The following OR51B6 variants were observed in gnomAD, a reference collection of about 807,000 sequenced individuals.
The protein encoded by OR51B6 is olfactory receptor 51B6.
For missense variants in OR51B6, 502 were observed against 382.2 expected (o/e 1.31, Z -2.61); for synonymous variants, 154 against 137.3 (o/e 1.12, Z -0.85).
At position 5,352,074 on chromosome 11, in the gene OR51B6, C is replaced by T; in HGVS notation, c.567C>T (p.Asp189=). 6.2e-7 allele frequency: 1 copy of T among 1,614,124 alleles called. No individual in the cohort carries two copies. The highest frequency in any genetic ancestry group is 8.5e-7 in the Non-Finnish European group (1 of 1,179,948). ...ATGTCATCAAGCTAGCCTGTGCTGACATCACCTTCAACCGTCTCTATCCAG... is the reference window on the plus strand; with the variant it reads ...ATGTCATCAAGCTAGCCTGTGCTGATATCACCTTCAACCGTCTCTATCCAG... ...HQDVIKLACA[D]ITFNRLYPVV... Residue 189 remains aspartate, a synonymous_variant, in exon 1 of 1, where the codon GAC becomes GAT. Transcript: ENST00000380219.
Position 5,351,568 on chromosome 11 carries a change from G to C in OR51B6, c.61G>C (p.Ala21Pro). 1 of 1,614,054 alleles carries C rather than the reference G, an allele frequency of 6.2e-7. No individual in the cohort carries two copies. Among genetic ancestry groups the C allele is most frequent in the Non-Finnish European group, 8.5e-7 (1 of 1,179,996 alleles). Reference protein sequence around the residue: ...QLTGFPGMEKAHHWIFIPLLA... With the variant: ...QLTGFPGMEKPHHWIFIPLLA... ...TACTGGCTTCCCAGGCATGGAGAAG[G>C]CACATCACTGGATATTCATCCCATT... Residue 21 changes from alanine (A) to proline (P), a missense_variant, in exon 1 of 1, where the codon GCA becomes CCA. Physicochemically the swap from Ala to Pro is conservative, Grantham distance 27. Transcript: ENST00000380219.
Position 5,352,404 on chromosome 11 carries a change from T to G in OR51B6, c.897T>G (p.Ser299Arg). 1 of 1,611,528 alleles carries G rather than the reference T, an allele frequency of 6.2e-7. No individual in the cohort carries two copies. The highest frequency in any genetic ancestry group is 8.5e-7 in the Non-Finnish European group (1 of 1,179,012). Residue 299 changes from serine to arginine, a missense_variant, in exon 1 of 1, where the codon AGT becomes AGG. Coordinates refer to ENST00000380219, the MANE Select transcript of OR51B6 (RefSeq NM_001004750.1). ...IYSIKTKQIQ[S>R]GILRLFSLPH... ...GCATTAAAACTAAGCAGATTCAGAGTGGCATACTTCGTTTATTCTCTCTGC... is the reference window on the plus strand; with the variant it reads ...GCATTAAAACTAAGCAGATTCAGAGGGGCATACTTCGTTTATTCTCTCTGC...
Position 5,351,694 on chromosome 11 carries a change from A to G in OR51B6, c.187A>G (p.Met63Val). Residue 63 changes from methionine to valine, a missense_variant, in exon 1 of 1, where the codon ATG (methionine) becomes GTG (valine). Transcript: ENST00000380219. ...LHEPMYYFLAMLAATDLGVTL... is the reference protein window; with the variant it reads ...LHEPMYYFLAVLAATDLGVTL... ...TGAGCCCATGTACTATTTCTTAGCT[A>G]TGTTGGCAGCTACAGACCTCGGAGT... The G allele has an allele frequency of 6.2e-7, 1 of 1,614,084 alleles. No individual in the cohort carries two copies. Among genetic ancestry groups the G allele is most frequent in the Admixed American group, 1.7e-5 (1 of 59,996 alleles).
rs780108031 is a variant in OR51B6, at chr11:5,352,009, C to T, written c.502C>T (p.Arg168Ter). The stretch of plus-strand genomic sequence containing the variant: ...TCGCCTACACTGGTTTCCCTACTGT[C>T]GATCCCATGTACTCTCCCATGCTTT... ...VVRLHWFPYC[R>*]SHVLSHAFCL... The change falls in exon 1 of 1, where the codon CGA (arginine) becomes TGA (stop). Residue 168 changes from arginine to a stop codon, truncating the protein, a stop_gained. Transcript: ENST00000380219. LOFTEE classifies it low-confidence loss of function (END_TRUNC). 9 of 1,613,600 alleles carry T rather than the reference C, an allele frequency of 5.6e-6. No individual in the cohort carries two copies. Among genetic ancestry groups the T allele is most frequent in the African/African-American group, 4.0e-5 (3 of 74,892 alleles).
chr11:5,352,415 G>T lies in OR51B6; in HGVS notation c.908G>T (p.Arg303Leu), dbSNP rs180742146. 4.4e-6 allele frequency: 7 copies of T among 1,608,342 alleles called. No individual in the cohort carries two copies. The highest frequency in any genetic ancestry group is 5.9e-6 in the Non-Finnish European group (7 of 1,177,300). Reference protein sequence around the residue: ...KTKQIQSGILRLFSLPHSRA With the variant: ...KTKQIQSGILLLFSLPHSRA Reference sequence around the variant, plus strand: ...AAGCAGATTCAGAGTGGCATACTTCGTTTATTCTCTCTGCCTCACTCTAGA... The same window carrying T: ...AAGCAGATTCAGAGTGGCATACTTCTTTTATTCTCTCTGCCTCACTCTAGA... The change falls in exon 1 of 1, where the codon CGT (arginine) becomes CTT (leucine). Residue 303 changes from arginine to leucine, a missense_variant. Coordinates refer to ENST00000380219, the MANE Select transcript of OR51B6 (RefSeq NM_001004750.1).
rs752064104 is a variant in OR51B6, at chr11:5,352,333, T to C, written c.826T>C (p.Tyr276His). The C allele has an allele frequency of 3.7e-6, 6 of 1,613,626 alleles. No individual in the cohort carries two copies. Among genetic ancestry groups the C allele is most frequent in the Middle Eastern group, 1.6e-4 (1 of 6,062 alleles). The change falls in exon 1 of 1, where the codon TAC (tyrosine) becomes CAC (histidine). Residue 276 changes from tyrosine to histidine, a missense_variant. Coordinates refer to ENST00000380219, the MANE Select transcript of OR51B6 (RefSeq NM_001004750.1). Reference protein sequence around the residue: ...VPHVVHITMSYIHFLFPPFMN... With the variant: ...VPHVVHITMSHIHFLFPPFMN... Reference sequence around the variant, plus strand: ...TCATGTCGTTCACATCACAATGAGCTACATCCACTTCCTTTTCCCACCTTT... The same window carrying C: ...TCATGTCGTTCACATCACAATGAGCCACATCCACTTCCTTTTCCCACCTTT...
chr11:5,351,674 C>A lies in OR51B6; in HGVS notation c.167C>A (p.Pro56His). Residue 56 changes from proline to histidine, a missense_variant, in exon 1 of 1, where the codon CCC becomes CAC. Physicochemically the swap from Pro to His is moderately conservative, Grantham distance 77. Coordinates refer to ENST00000380219, the MANE Select transcript of OR51B6 (RefSeq NM_001004750.1). ...LIRNDHNLHE[P>H]MYYFLAMLAA... ...AGGAATGATCATAACCTCCATGAGC[C>A]CATGTACTATTTCTTAGCTATGTTG... 1 of 1,614,082 alleles carries A rather than the reference C, an allele frequency of 6.2e-7. No individual in the cohort carries two copies. Among genetic ancestry groups the A allele is most frequent in the Non-Finnish European group, 8.5e-7 (1 of 1,179,994 alleles).
Position 5,351,707 on chromosome 11 carries a change from C to T in OR51B6, c.200C>T (p.Thr67Ile). Residue 67 changes from threonine (T) to isoleucine (I), a missense_variant, in exon 1 of 1, where the codon ACA (threonine) becomes ATA (isoleucine). Physicochemically the swap from Thr to Ile is moderately conservative, Grantham distance 89. Transcript: ENST00000380219. ...MYYFLAMLAA[T>I]DLGVTLTTMP... is the part of the protein sequence containing the mutation. ...TATTTCTTAGCTATGTTGGCAGCTACAGACCTCGGAGTGACATTGACCACA... is the reference window on the plus strand; with the variant it reads ...TATTTCTTAGCTATGTTGGCAGCTATAGACCTCGGAGTGACATTGACCACA... 5 of 1,614,026 alleles carry T rather than the reference C, an allele frequency of 3.1e-6. No homozygotes were observed. Among genetic ancestry groups the T allele is most frequent in the Non-Finnish European group, 4.2e-6 (5 of 1,179,958 alleles).
At position 5,352,004 on chromosome 11, in the gene OR51B6, A is replaced by G. The variant is rs758412504; in HGVS notation, c.497A>G (p.Tyr166Cys). Residue 166 changes from tyrosine to cysteine, a missense_variant, in exon 1 of 1, where the codon TAC (tyrosine) becomes TGC (cysteine). Transcript: ENST00000380219. ...PIVVRLHWFP[Y>C]CRSHVLSHAF... is the part of the protein sequence containing the mutation. ...GTTGTTCGCCTACACTGGTTTCCCT[A>G]CTGTCGATCCCATGTACTCTCCCAT... 3.7e-6 allele frequency: 6 copies of G among 1,613,650 alleles called. No homozygotes were observed. Among genetic ancestry groups the G allele is most frequent in the Admixed American group, 1.7e-5 (1 of 60,006 alleles).
In OR51B6 at chr11:5,351,921, G is replaced by A. The variant is rs755916045; in HGVS notation, c.414G>A (p.Gln138=). 3 of 1,613,196 alleles carry A rather than the reference G, an allele frequency of 1.9e-6. No homozygotes were observed. The highest frequency in any genetic ancestry group is 2.2e-5 in the South Asian group (2 of 91,058). ...LRYTSILTNT[Q]VMKIGVRVLT... The stretch of plus-strand genomic sequence containing the variant: ...ATACCTCTATCCTGACCAACACCCA[G>A]GTAATGAAGATTGGTGTGCGGGTAT... Residue 138 remains glutamine, a synonymous_variant, in exon 1 of 1, where the codon CAG becomes CAA. Coordinates refer to ENST00000380219, the MANE Select transcript of OR51B6 (RefSeq NM_001004750.1).
In OR51B6 at chr11:5,352,139, T is replaced by A; in HGVS notation, c.632T>A (p.Ile211Asn). The A allele has an allele frequency of 1.9e-6, 3 of 1,614,196 alleles. No individual in the cohort carries two copies. Among genetic ancestry groups the A allele is most frequent in the Non-Finnish European group, 2.5e-6 (3 of 1,180,020 alleles). Reference protein sequence around the residue: ...LFAMVLLDFLIIFFSYILILK... With the variant: ...LFAMVLLDFLNIFFSYILILK... ...GCAATGGTCTTGTTGGACTTTCTCA[T>A]CATCTTTTTCTCCTACATTTTGATT... The change falls in exon 1 of 1, where the codon ATC (isoleucine) becomes AAC (asparagine). Residue 211 changes from isoleucine to asparagine, a missense_variant. Transcript: ENST00000380219.
In OR51B6 at chr11:5,351,756, G is replaced by T; in HGVS notation, c.249G>T (p.Leu83=). 1.2e-6 allele frequency: 2 copies of T among 1,614,038 alleles called. No individual in the cohort carries two copies. The highest frequency in any genetic ancestry group is 2.2e-5 in the South Asian group (2 of 91,060). The change falls in exon 1 of 1, where the codon CTG becomes CTT. Residue 83 remains leucine (L), a synonymous_variant. Transcript: ENST00000380219. The part of the protein sequence containing the change: ...LTTMPTVLGV[L]WLDHREIGHG... ...CAATGCCCACAGTGCTAGGTGTTCT[G>T]TGGTTAGATCACAGGGAGATTGGCC...
Position 5,351,751 on chromosome 11 carries a change from G to A in OR51B6, c.244G>A (p.Val82Ile). 2.5e-6 allele frequency: 4 copies of A among 1,613,980 alleles called. No homozygotes were observed. In the South Asian group the frequency reaches 4.4e-5, roughly 18 times the overall value. ...TLTTMPTVLG[V>I]LWLDHREIGH... ...GACCACAATGCCCACAGTGCTAGGT[G>A]TTCTGTGGTTAGATCACAGGGAGAT... The change falls in exon 1 of 1, where the codon GTT (valine) becomes ATT (isoleucine). Residue 82 changes from valine (V) to isoleucine (I), a missense_variant. Coordinates refer to ENST00000380219, the MANE Select transcript of OR51B6 (RefSeq NM_001004750.1).
rs999169402 is a variant in OR51B6 at position 5,352,360 on chromosome 11, A to G, written c.853A>G (p.Met285Val). ...SYIHFLFPPF[M>V]NPFIYSIKTK... is the part of the protein sequence containing the mutation. ...CATCCACTTCCTTTTCCCACCTTTT[A>G]TGAACCCATTTATCTATAGCATTAA... Residue 285 changes from methionine to valine, a missense_variant, in exon 1 of 1, where the codon ATG becomes GTG. Coordinates refer to ENST00000380219, the MANE Select transcript of OR51B6 (RefSeq NM_001004750.1). 10 of 1,613,902 alleles carry G rather than the reference A, an allele frequency of 6.2e-6. No homozygotes were observed. In the Admixed American group the frequency reaches 1.0e-4, roughly 16 times the overall value.
rs1268785302 is a variant in OR51B6 at position 5,351,623 on chromosome 11, G to A, written c.116G>A (p.Gly39Asp). 6.2e-7 allele frequency: 1 copy of A among 1,613,908 alleles called. No homozygotes were observed. The highest frequency in any genetic ancestry group is 1.3e-5 in the African/African-American group (1 of 74,894). The change falls in exon 1 of 1, where the codon GGC becomes GAC. Residue 39 changes from glycine (G) to aspartate (D), a missense_variant. Transcript: ENST00000380219. The part of the protein sequence containing the change: ...LLAAYISILL[G>D]NGTLLFLIRN... ...GCAGCCTACATCTCCATACTTCTTG[G>A]CAATGGCACTCTTCTCTTTCTCATC... is the stretch of plus-strand genomic sequence containing the variant.
In OR51B6 at chr11:5,351,842, T is replaced by C. The variant is rs147852812; in HGVS notation, c.335T>C (p.Val112Ala). The C allele has an allele frequency of 6.2e-6, 10 of 1,613,932 alleles. No homozygotes were observed. The African/African-American group carries it at 1.2e-4, about 19-fold the overall frequency. ...IHTLSVMESG[V>A]LLAMAYDCFI... The stretch of plus-strand genomic sequence containing the variant: ...ACTCTTTCTGTCATGGAGTCAGGTG[T>C]CTTGCTTGCCATGGCTTATGACTGT... The change falls in exon 1 of 1, where the codon GTC becomes GCC. Residue 112 changes from valine (V) to alanine (A), a missense_variant. Transcript: ENST00000380219.
Position 5,352,269 on chromosome 11 carries a change from TTGTC to T in OR51B6, c.765_768del (p.Cys255Ter). On this transcript the variant is annotated frameshift_variant, in exon 1 of 1. Transcript: ENST00000380219. LOFTEE classifies it low-confidence loss of function (END_TRUNC). ...TCCTGGTCTTCTATGTCACTGTAGT[TTGTC>T]TGACATTTATTCATAGGTTTGGAAA... 2.5e-6 allele frequency: 4 copies of T among 1,614,218 alleles called. No individual in the cohort carries two copies. The highest frequency in any genetic ancestry group is 3.4e-6 in the Non-Finnish European group (4 of 1,180,026).
At position 5,351,782 on chromosome 11, in the gene OR51B6, A is replaced by G; in HGVS notation, c.275A>G (p.His92Arg). 1.9e-6 allele frequency: 3 copies of G among 1,614,100 alleles called. No homozygotes were observed. Among genetic ancestry groups the G allele is most frequent in the Non-Finnish European group, 2.5e-6 (3 of 1,179,984 alleles). The part of the protein sequence containing the change: ...VLWLDHREIG[H>R]GACFSQAYFI... ...TGGTTAGATCACAGGGAGATTGGCCATGGAGCCTGCTTCTCTCAGGCCTAT... is the reference window on the plus strand; with the variant it reads ...TGGTTAGATCACAGGGAGATTGGCCGTGGAGCCTGCTTCTCTCAGGCCTAT... Residue 92 changes from histidine (H) to arginine (R), a missense_variant, in exon 1 of 1, where the codon CAT (histidine) becomes CGT (arginine). Transcript: ENST00000380219.
In OR51B6 at chr11:5,351,968, T is replaced by G. The variant is rs1452854160; in HGVS notation, c.461T>G (p.Ile154Ser). 1.9e-6 allele frequency: 3 copies of G among 1,613,212 alleles called. No individual in the cohort carries two copies. In the South Asian group the frequency reaches 3.3e-5, roughly 18 times the overall value. Residue 154 changes from isoleucine to serine, a missense_variant, in exon 1 of 1, where the codon ATT becomes AGT. By Grantham distance (142) the Ile-to-Ser change is moderately radical (BLOSUM62 -2). Coordinates refer to ENST00000380219, the MANE Select transcript of OR51B6 (RefSeq NM_001004750.1). ...GTATTGACAAGGGCTGGTCTGTCCA[T>G]TATGCCAATAGTTGTTCGCCTACAC... ...VRVLTRAGLS[I>S]MPIVVRLHWF...
Sources: gnomAD v4.1 joint callset for allele counts on GRCh38, gnomAD v4.1.1 for gene constraint, MANE v1.5 for transcripts, NCBI Gene and HGNC (gene_info 2026-07-23, HGNC 2026-07-21) for gene names.